The following HSD17B12 variants were observed in gnomAD, a reference collection of about 807,000 sequenced individuals.
HSD17B12 encodes very-long-chain 3-oxoacyl-CoA reductase.
Under a neutral mutation model 39.3 loss-of-function variants are expected in HSD17B12, and 32 were observed. The observed-to-expected ratio is 0.81, with a 90% CI of 0.61 to 1.09. The LOEUF (loss-of-function observed/expected upper bound fraction) is 1.09, where lower values mean the gene tolerates loss of function less well. Among genes scored for constraint, HSD17B12 ranks in the 50% least tolerant of loss-of-function variants. The probability of loss-of-function intolerance (pLI) is 0.00; values close to 1 mark genes in which losing one functional copy is unlikely to be tolerated. For synonymous variants in HSD17B12, 150 were observed against 146.7 expected (o/e 1.02, Z -0.16); for missense variants, 342 against 382.9 (o/e 0.89, Z 0.89).
chr11:43,675,442 G>C, the HSD17B12 span, among the ~76,000 whole-genome samples: 1 of 152,164 alleles, frequency 6.6e-6, no homozygotes. Flanking sequence ...ACTTATTTGA[G>C]GAACTGCAAG....
At chr11:43,570,464 G>C in the HSD17B12 span, 1 of 152,182 alleles carries the variant, frequency 6.6e-6, no homozygotes, top group African/African-American at 2.4e-5. Flanking sequence ...TGGGTCCTGA[G>C]CCACAGGTTC....
the HSD17B12 span, among the ~76,000 whole-genome samples, chr11:43,665,281 C>A: frequency 6.6e-6 from 1 of 152,104 alleles, no homozygotes; most frequent in Non-Finnish European, 1.5e-5. Context: ...TGCGGTGGTG[C>A]GATCTGGGCC....
intron 3 of HSD17B12, among the ~76,000 whole-genome samples, chr11:43,777,594 T>G (rs1950719743): frequency 6.6e-6 from 1 of 152,180 alleles, no homozygotes; most frequent in Non-Finnish European, 1.5e-5. Flanking sequence ...TGAATGCCCT[T>G]TATTTCCTTC....
chr11:43,593,193 C>G, the HSD17B12 span, among the ~76,000 whole-genome samples: 1 of 152,158 alleles, frequency 6.6e-6, no homozygotes, highest in Admixed American at 6.5e-5. Flanking sequence ...GAAGGTAAAG[C>G]CATTTGTATC....
the HSD17B12 span, among the ~76,000 whole-genome samples, chr11:43,600,873 G>A: frequency 3.3e-5 from 5 of 151,656 alleles, no homozygotes; most frequent in South Asian, 1.0e-3. Flanking sequence ...AAATTTTCTT[G>A]TGTTAGTTCT....
the HSD17B12 span, among the ~76,000 whole-genome samples, chr11:43,664,746 C>T: frequency 6.6e-6 from 1 of 152,174 alleles, no homozygotes; most frequent in East Asian, 1.9e-4. Flanking sequence ...GGGGTCCCTG[C>T]TCTGTCTCAT....
chr11:43,573,028 G>A, the HSD17B12 span, among the ~76,000 whole-genome samples: 95 of 152,308 alleles, frequency 6.2e-4, no homozygotes, highest in African/African-American at 2.2e-3. Flanking sequence ...CTGAAAGAGA[G>A]GAGACTCAGT....
the HSD17B12 span, among the ~76,000 whole-genome samples, chr11:43,662,529 A>G: frequency 6.6e-6 from 1 of 151,846 alleles, no homozygotes; most frequent in Non-Finnish European, 1.5e-5. Flanking sequence ...CTCAAAAAAA[A>G]AAAAAGAAAA....
intron 3 of HSD17B12, among the ~76,000 whole-genome samples, chr11:43,756,069 C>T (rs1264436887): frequency 1.3e-5 from 2 of 152,082 alleles, no homozygotes; most frequent in Non-Finnish European, 2.9e-5. Flanking sequence ...GGGGGAACCG[C>T]CCCCATGGTT....
chr11:43,622,213 G>C, the HSD17B12 span, among the ~76,000 whole-genome samples: 1 of 152,328 alleles, frequency 6.6e-6, no homozygotes, highest in Admixed American at 6.5e-5. Flanking sequence ...CGGGATGACA[G>C]AGCTGAAGGA....
the HSD17B12 span, among the ~76,000 whole-genome samples, chr11:43,574,501 G>A: frequency 6.6e-6 from 1 of 152,102 alleles, no homozygotes; most frequent in Non-Finnish European, 1.5e-5. Flanking sequence ...GTGTGCATGT[G>A]GTTTTGTTCA....
chr11:43,750,870 G>A, intron 1 of HSD17B12, 41 bp from the exon 2 acceptor site: 3 of 1,473,390 alleles, frequency 2.0e-6, no homozygotes, highest in Non-Finnish European at 2.8e-6. Flanking sequence ...ATTCCTCAAT[G>A]TAATTCTTAG....
intron 1 of HSD17B12, among the ~76,000 whole-genome samples, chr11:43,717,801 CTTCT>C (rs1490488821): frequency 7.6e-6 from 1 of 131,678 alleles, no homozygotes; most frequent in African/African-American, 2.8e-5. Context: ...CATTCTTCTT[CTTCT>C]TTTTTTTTTT....
chr11:43,711,276 A>C (rs997274152), intron 1 of HSD17B12, among the ~76,000 whole-genome samples: 43 of 152,166 alleles, frequency 2.8e-4, no homozygotes, highest in African/African-American at 1.0e-3. Flanking sequence ...TTAGTACTGG[A>C]TTAGTGTATC....
intron 9 of HSD17B12, among the ~76,000 whole-genome samples, chr11:43,842,096 A>G (rs759692414): frequency 2.6e-5 from 4 of 152,196 alleles, no homozygotes; most frequent in African/African-American, 7.2e-5. Flanking sequence ...CCACTAGGCT[A>G]CTTGCTCCAG....
chr11:43,644,329 ACCAACAGCCCCCC>A, the HSD17B12 span: 3 of 152,152 alleles, frequency 2.0e-5, no homozygotes, highest in South Asian at 6.2e-4. Context: ...TTAGAAGGCC[ACCAACAGCCCCCC>A]AGGTTGCCAA....
At chr11:43,791,663 T>A (rs1950869286) in intron 3 of HSD17B12, among the ~76,000 whole-genome samples, 1 of 152,164 alleles carries the variant, frequency 6.6e-6, no homozygotes, top group Non-Finnish European at 1.5e-5. Context: ...ATATGAAAAT[T>A]TCTTCAAGAG....
intron 1 of HSD17B12, among the ~76,000 whole-genome samples, chr11:43,683,723 C>G (rs1393327288): frequency 1.3e-5 from 2 of 152,134 alleles, no homozygotes; most frequent in Non-Finnish European, 2.9e-5. Context: ...TTTGAATCTA[C>G]TTTCTAGTAC....
intron 1 of HSD17B12, among the ~76,000 whole-genome samples, chr11:43,714,282 T>C (rs1341406498): frequency 6.6e-6 from 1 of 152,238 alleles, no homozygotes; most frequent in Non-Finnish European, 1.5e-5. Context: ...CTTTAATCCA[T>C]CTTGAATTAA....
Sources: gnomAD v4.1 joint callset for allele counts (sites outside exome capture counted in the v4.1 genomes callset) on GRCh38, gnomAD v4.1.1 for gene constraint, MANE v1.5 for transcripts, NCBI Gene and HGNC (gene_info 2026-07-23, HGNC 2026-07-21) for gene names.